POU2F3: variants seen among roughly 807,000 people sequenced by gnomAD.
POU2F3 encodes POU domain, class 2, transcription factor 3.
A neutral mutation model predicts 59.2 loss-of-function variants in POU2F3; 23 were observed. That is an observed-to-expected ratio of 0.39 (90% CI 0.28 to 0.55). The LOEUF is 0.55. Ranked by LOEUF, POU2F3 falls within the 20% of genes least tolerant of loss-of-function variation. The pLI is 0.66. For missense variants in POU2F3, 473 were observed against 544.5 expected (o/e 0.87, Z 1.31); for synonymous variants, 190 against 214.6 (o/e 0.89, Z 1.00).
chr11:120,275,959 T>G (rs551124287), intron 3 of POU2F3, among the ~76,000 whole-genome samples: 45 of 152,348 alleles, frequency 3.0e-4, no homozygotes, highest in African/African-American at 7.9e-4. Flanking sequence ...TTGTAATTAA[T>G]TGGCTCGTTG....
chr11:120,246,552 G>C lies in POU2F3; in HGVS notation c.97+35G>C, dbSNP rs7114851. 782 of 1,596,840 alleles carry C rather than the reference G, an allele frequency of 4.9e-4. 4 individuals carry two copies. In the African/African-American group the frequency reaches 9.1e-3, roughly 19 times the overall value. On this transcript the variant is annotated intron_variant, in intron 2 of 12. Transcript: ENST00000543440. ...TTCTCTTCTCGGGGATGGAGGGGGT[G>C]GGGGGAAGAGAGTTGTTGGGAATTG...
At chr11:120,269,529 T>G (rs994541721) in intron 3 of POU2F3, among the ~76,000 whole-genome samples, 12 of 152,188 alleles carry the variant, frequency 7.9e-5, no homozygotes, top group African/African-American at 2.2e-4. Context: ...AGAGCTCTTT[T>G]CCTGTCAATG....
chr11:120,298,957 G>T (rs11603629), intron 4 of POU2F3, among the ~76,000 whole-genome samples: 1 of 152,126 alleles, frequency 6.6e-6, no homozygotes, highest in African/African-American at 2.4e-5. Context: ...GGGCTTCTCA[G>T]GTCTTCTCTA....
Position 120,269,882 on chromosome 11 carries a change from G to A in POU2F3, c.132+638G>A, listed in dbSNP as rs79344797. On this transcript the variant is annotated intron_variant, in intron 3 of 12. Transcript: ENST00000543440. Reference sequence around the variant, plus strand: ...GTGTAAAGAGAAGGGGGAAGCCGAGGGAGAGGACTTGCCCTTGAGGTTGGA... The same window carrying A: ...GTGTAAAGAGAAGGGGGAAGCCGAGAGAGAGGACTTGCCCTTGAGGTTGGA... 0.026 allele frequency among the ~76,000 whole-genome samples: 4,033 copies of A among 152,224 alleles called. 860 individuals carry two copies. The East Asian group carries it at 0.55, about 21-fold the overall frequency.
At position 120,300,211 on chromosome 11, in the gene POU2F3, G is replaced by A. The variant is rs181026947; in HGVS notation, c.361+485G>A. ...GTTTTCTTTGGCAGGGAAGTTACTC[G>A]CAGAGAACTTCTCCCTGGCCAAGAG... On this transcript the variant is annotated intron_variant, in intron 5 of 12. Transcript: ENST00000543440. Among the ~76,000 whole-genome samples the A allele has an allele frequency of 6.8e-3, 1,028 of 152,274 alleles. 10 individuals carry two copies. Among genetic ancestry groups the A allele is most frequent in the African/African-American group, 0.023 (961 of 41,550 alleles).
At chr11:120,246,113 G>A (rs923532842) in intron 1 of POU2F3, among the ~76,000 whole-genome samples, 5 of 152,150 alleles carry the variant, frequency 3.3e-5, no homozygotes, top group African/African-American at 4.8e-5. Context: ...TGTTGGAAAT[G>A]GGAAGTGTCC....
chr11:120,286,369 C>T (rs893323553), intron 3 of POU2F3, among the ~76,000 whole-genome samples: 1 of 152,184 alleles, frequency 6.6e-6, no homozygotes, highest in Non-Finnish European at 1.5e-5. Flanking sequence ...CACAAGTGTA[C>T]AGCATAACAC....
chr11:120,238,052 C>T (rs1938543318), upstream of POU2F3, among the ~76,000 whole-genome samples: 1 of 152,022 alleles, frequency 6.6e-6, no homozygotes, highest in Non-Finnish European at 1.5e-5. Context: ...ACCAGCCTGA[C>T]CAACATGGAG....
rs57063088 is a variant in POU2F3 at position 120,274,341 on chromosome 11, C to A, written c.132+5097C>A. ...TGAGGGTCAAATGATATGTAGCTAA[C>A]TCTTAGACAAGTATCTTGAACATAT... On this transcript the variant is annotated intron_variant, in intron 3 of 12. Coordinates refer to ENST00000543440, the MANE Select transcript of POU2F3 (RefSeq NM_014352.4). Among the ~76,000 whole-genome samples the A allele has an allele frequency of 7.3e-3, 1,105 of 152,270 alleles. 16 individuals are homozygous for A. The highest frequency in any genetic ancestry group is 0.025 in the African/African-American group (1,043 of 41,544).
intron 8 of POU2F3, among the ~76,000 whole-genome samples, chr11:120,307,153 C>T (rs185811276): frequency 4.3e-4 from 65 of 152,356 alleles, no homozygotes; most frequent in African/African-American, 1.5e-3. Flanking sequence ...CTTACACCCA[C>T]ATGTGTCACC....
upstream of POU2F3, chr11:120,236,739 T>C (rs1359948466): frequency 6.9e-7 from 1 of 1,447,202 alleles, no homozygotes; most frequent in Non-Finnish European, 9.4e-7. Context: ...CCATTCTAGC[T>C]CATCTAACTG....
intron 1 of POU2F3, among the ~76,000 whole-genome samples, chr11:120,243,756 C>A (rs1351154933): frequency 1.3e-5 from 2 of 152,190 alleles, no homozygotes; most frequent in Non-Finnish European, 2.9e-5. Flanking sequence ...GGAACAGGTT[C>A]TCAGTGTCTT....
chr11:120,248,184 T>A (rs1483341051), intron 2 of POU2F3, among the ~76,000 whole-genome samples: 5 of 152,160 alleles, frequency 3.3e-5, no homozygotes, highest in Admixed American at 2.0e-4. Context: ...TCAGAATCTG[T>A]CTCTTATCCG....
At chr11:120,236,752 ATGATCAG>A (rs1565346673), upstream of POU2F3, 1 of 1,421,044 alleles carries the variant, frequency 7.0e-7, no homozygotes, top group East Asian at 2.5e-5. Flanking sequence ...TCTAACTGAA[ATGATCAG>A]TGAGCAAGTC....
intron 7 of POU2F3, 41 bp downstream of exon 7, chr11:120,305,253 C>T (rs200539961): frequency 1.0e-4 from 160 of 1,591,304 alleles, no homozygotes; most frequent in Non-Finnish European, 1.3e-4. Flanking sequence ...TCTAGCCGAG[C>T]GGCTGGAGAC....
chr11:120,274,539 T>C (rs900764861), intron 3 of POU2F3, among the ~76,000 whole-genome samples: 1 of 152,144 alleles, frequency 6.6e-6, no homozygotes, highest in African/African-American at 2.4e-5. Context: ...ATGCTGAACA[T>C]TGGTGGAACC....
chr11:120,282,773 T>A (rs1940623869), intron 3 of POU2F3, among the ~76,000 whole-genome samples: 1 of 152,258 alleles, frequency 6.6e-6, no homozygotes, highest in Non-Finnish European at 1.5e-5. Context: ...AAGCAAGTTA[T>A]ACATTAAGAT....
intron 10 of POU2F3, among the ~76,000 whole-genome samples, chr11:120,311,778 G>C (rs74940535): frequency 0.019 from 2,867 of 152,256 alleles, 42 homozygotes; most frequent in Non-Finnish European, 0.025. Flanking sequence ...TGAAATCCTG[G>C]GTGAGGAGGA....
chr11:120,307,555 A>G lies in POU2F3; in HGVS notation c.846A>G (p.Arg282=). The G allele has an allele frequency of 6.2e-7, 1 of 1,614,182 alleles. No individual in the cohort carries two copies. Among genetic ancestry groups the G allele is most frequent in the South Asian group, 1.1e-5 (1 of 91,078 alleles). ...PSLSEVFGRK[R]KKRTSIETNI... is the part of the protein sequence containing the mutation. ...TCAGTGAAGTATTTGGTAGGAAGAG[A>G]AAGAAACGGACCAGCATCGAGACCA... The change falls in exon 9 of 13, where the codon AGA becomes AGG. Residue 282 remains arginine, a synonymous_variant. Coordinates refer to ENST00000543440, the MANE Select transcript of POU2F3 (RefSeq NM_014352.4).
Sources: allele counts gnomAD v4.1 joint callset (sites outside exome capture counted in the v4.1 genomes callset), GRCh38; gene constraint gnomAD v4.1.1; transcripts MANE v1.5; gene names NCBI Gene and HGNC (gene_info 2026-07-23, HGNC 2026-07-21).